Variants in DAB2 observed in about 807,000 individuals in gnomAD.
DAB2 encodes disabled homolog 2.
A neutral mutation model predicts 71.6 loss-of-function variants in DAB2; 28 were observed. The ratio of observed to expected loss-of-function variants is 0.39; its 90% CI spans 0.29 to 0.54. The LOEUF (loss-of-function observed/expected upper bound fraction) is 0.54, where lower values mean the gene tolerates loss of function less well. DAB2 is among the 20% of genes least tolerant of loss of function. The probability of loss-of-function intolerance (pLI) is 0.68; values close to 1 mark genes in which losing one functional copy is unlikely to be tolerated. For synonymous variants in DAB2, 345 were observed against 339.7 expected, an observed-to-expected ratio of 1.02 and a Z score of -0.17; for missense variants, 867 against 928.8, an observed-to-expected ratio of 0.93 and a Z score of 0.86.
At chr5:39,403,532 C>T (rs1017673700) in intron 1 of DAB2, among the ~76,000 whole-genome samples, 1 of 152,054 alleles carries the variant, frequency 6.6e-6, no homozygotes, top group African/African-American at 2.4e-5. Context: ...TACATGGTCT[C>T]ATTATACATT....
In DAB2 at chr5:39,376,913, C is replaced by T; in HGVS notation, c.1874G>A (p.Arg625Lys). Residue 625 changes from arginine (R) to lysine (K), a missense_variant, in exon 12 of 15, where the codon AGA (arginine) becomes AAA (lysine). This residue lies in a region of DAB2 where 740 missense variants were observed against 734.3 expected (regional missense o/e 1.01). Transcript: ENST00000320816. ...GGAGATGTCCTTGGGAGGGCCAGCT[C>T]TGGGAGGTGGCTGAGGAGGAGTGAC... ...LLVTPPQPPP[R>K]AGPPKDISSD... 6.2e-7 allele frequency: 1 copy of T among 1,614,066 alleles called. No individual in the cohort carries two copies. The highest frequency in any genetic ancestry group is 8.5e-7 in the Non-Finnish European group (1 of 1,179,988).
chr5:39,424,916 T>A lies in DAB2; in HGVS notation c.-214A>T, dbSNP rs1756072833. On this transcript the variant is annotated 5_prime_UTR_variant, in exon 1 of 15. Transcript: ENST00000320816. ...CTTAAATAGCCGCCGGCCGGGAGCTTCGGAGCCGCGCGGCCACTCCCGGCG... is the reference window on the plus strand; with the variant it reads ...CTTAAATAGCCGCCGGCCGGGAGCTACGGAGCCGCGCGGCCACTCCCGGCG... The A allele has an allele frequency of 6.6e-6, 1 of 152,362 alleles. No homozygotes were observed. The highest frequency in any genetic ancestry group is 1.5e-5 in the Non-Finnish European group (1 of 68,074). 9.4% of individuals were successfully genotyped at this position (152,362 alleles called of 1,614,324 possible). A position where few individuals can be genotyped will look rare whatever the true frequency, so the allele number is the denominator to read the frequency against.
chr5:39,420,112 C>A (rs772210787), intron 1 of DAB2, among the ~76,000 whole-genome samples: 1 of 152,192 alleles, frequency 6.6e-6, no homozygotes, highest in Non-Finnish European at 1.5e-5. Flanking sequence ...GATGTTGATG[C>A]TGCTGGTTTG....
Position 39,376,073 on chromosome 5 carries a change from A to T in DAB2, c.2171T>A (p.Leu724Gln), listed in dbSNP as rs1279803057. 5 of 1,613,972 alleles carry T rather than the reference A, an allele frequency of 3.1e-6. No homozygotes were observed. In the South Asian group the frequency reaches 5.5e-5, roughly 18 times the overall value. Residue 724 changes from leucine to glutamine, a missense_variant, in exon 13 of 15, where the codon CTG becomes CAG. Physicochemically the swap from Leu to Gln is moderately radical, Grantham distance 113 (BLOSUM62 -2). Around this residue, in one of 2 missense-constraint regions of DAB2, gnomAD observed 740 missense variants for 734.3 expected, o/e 1.01. Coordinates refer to ENST00000320816, the MANE Select transcript of DAB2 (RefSeq NM_001343.4). ...ATTGTCAGTAGATTTGGTAACTGGC[A>T]GGGAAACTTGTCTGGGAGCTGGCTT... ...PPKPAPRQVS[L>Q]PVTKSTDNAF...
chr5:39,383,051 G>C lies in DAB2; in HGVS notation c.908C>G (p.Pro303Arg). ...DPFRDDPFTQ[P>R]DQSTPSSFDS... ...AAACGAAGAAGGTGTCGATTGGTCT[G>C]GCTGTGTGAAAGGATCGTCACGGAA... is the stretch of plus-strand genomic sequence containing the variant. The change falls in exon 10 of 15, where the codon CCA (proline) becomes CGA (arginine). Residue 303 changes from proline to arginine, a missense_variant. Physicochemically the swap from Pro to Arg is moderately radical, Grantham distance 103. This residue lies in a region of DAB2 where 740 missense variants were observed against 734.3 expected (regional missense o/e 1.01). Coordinates refer to ENST00000320816, the MANE Select transcript of DAB2 (RefSeq NM_001343.4). The C allele has an allele frequency of 6.2e-7, 1 of 1,614,158 alleles. No homozygotes were observed. Among genetic ancestry groups the C allele is most frequent in the Non-Finnish European group, 8.5e-7 (1 of 1,180,024 alleles).
At chr5:39,378,403 T>C (rs1176318622) in intron 11 of DAB2, among the ~76,000 whole-genome samples, 3 of 152,238 alleles carry the variant, frequency 2.0e-5, no homozygotes, top group Non-Finnish European at 4.4e-5. Flanking sequence ...TGCTTTGAGC[T>C]TTGGTGCATG....
rs149865370 is a variant in DAB2, at chr5:39,382,869, A to G, written c.1090T>C (p.Trp364Arg). ...TGGGTTTGCGAACTTGAAAAGGGCC[A>G]TGGGCCTGCCTGAGCTTCCTGTTTG... ...TGKQEAQAGP[W>R]PFSSSQTQPA... is the part of the protein sequence containing the mutation. The change falls in exon 10 of 15, where the codon TGG becomes CGG. Residue 364 changes from tryptophan (W) to arginine (R), a missense_variant. Transcript: ENST00000320816. 308 of 1,614,136 alleles carry G rather than the reference A, an allele frequency of 1.9e-4. 1 individual carries two copies. The East Asian group carries it at 6.7e-3, about 35-fold the overall frequency.
At chr5:39,386,242 T>C (rs3822460) in intron 9 of DAB2, among the ~76,000 whole-genome samples, 9,159 of 152,280 alleles carry the variant, frequency 0.06, 763 homozygotes, top group East Asian at 0.2. Flanking sequence ...GGATACCACA[T>C]AGTTTGCAAC....
In DAB2 at chr5:39,422,941, G is replaced by GT. The variant is rs1756023156; in HGVS notation, c.-102+1862dup. 6.6e-6 allele frequency among the ~76,000 whole-genome samples: 1 copy of GT among 152,176 alleles called. No homozygotes were observed. The highest frequency in any genetic ancestry group is 1.5e-5 in the Non-Finnish European group (1 of 68,032). Reference sequence around the variant, plus strand: ...GCCCTTCACAAATTAGACAAGGTTTGTAACAAGTGCTTTCTTCCCTCACTT... The same window carrying GT: ...GCCCTTCACAAATTAGACAAGGTTTGTTAACAAGTGCTTTCTTCCCTCACTT... On this transcript the variant is annotated intron_variant, in intron 1 of 14. Transcript: ENST00000320816. This position sits in a 1 kb window ranked among gnomAD's most constrained non-coding sequence, Gnocchi z 4.1.
rs117883916 is a variant in DAB2, at chr5:39,423,404, A to G, written c.-102+1400T>C. Among the ~76,000 whole-genome samples, 4 of 152,416 alleles carry G rather than the reference A, an allele frequency of 2.6e-5. No individual in the cohort carries two copies. In the East Asian group the frequency reaches 5.8e-4, roughly 22 times the overall value. ...GTCACTGAGGGCCATCTCCCTTCCA[A>G]GAGGGGAGACACAGAACCTGGAGTG... On this transcript the variant is annotated intron_variant, in intron 1 of 14. Coordinates refer to ENST00000320816, the MANE Select transcript of DAB2 (RefSeq NM_001343.4).
At chr5:39,423,815 A>T (rs1214302604) in intron 1 of DAB2, 1 of 151,998 alleles carries the variant, frequency 6.6e-6, no homozygotes, top group African/African-American at 2.4e-5. Flanking sequence ...CCCCTCCATA[A>T]TTTTTAAGTC....
intron 9 of DAB2, chr5:39,387,562 G>C (rs1391532102): frequency 6.6e-6 from 1 of 152,110 alleles, no homozygotes; most frequent in Non-Finnish European, 1.5e-5. Flanking sequence ...TCAGGAAACT[G>C]TTACATAAAT....
chr5:39,378,289 C>G (rs1041638329), intron 11 of DAB2, among the ~76,000 whole-genome samples: 1 of 152,198 alleles, frequency 6.6e-6, no homozygotes, highest in Non-Finnish European at 1.5e-5. Context: ...TTTCCTGCCT[C>G]TTTCCAAGTG....
At chr5:39,389,016 C>A (rs937352190) in intron 7 of DAB2, 81 bp downstream of exon 7, 7 of 1,404,258 alleles carry the variant, frequency 5.0e-6, no homozygotes, top group East Asian at 4.6e-5. Flanking sequence ...AGCGAGGTGG[C>A]GAGAGTGGTT....
intron 11 of DAB2, among the ~76,000 whole-genome samples, chr5:39,379,852 T>C (rs1333779410): frequency 1.3e-5 from 2 of 151,906 alleles, no homozygotes; most frequent in Non-Finnish European, 2.9e-5. Context: ...TCAGTTTGAG[T>C]CCCATGTCCA....
intron 1 of DAB2, among the ~76,000 whole-genome samples, chr5:39,407,844 A>C (rs1755641682): frequency 6.6e-6 from 1 of 152,262 alleles, no homozygotes; most frequent in Non-Finnish European, 1.5e-5. Context: ...TATAAACATT[A>C]AGCTATAAAT....
intron 9 of DAB2, among the ~76,000 whole-genome samples, chr5:39,384,585 T>A (rs1384325972): frequency 6.6e-6 from 1 of 152,164 alleles, no homozygotes; most frequent in Non-Finnish European, 1.5e-5. Context: ...ACTAATTCTA[T>A]CCCCTCTCTA....
chr5:39,404,950 A>G (rs974964704), intron 1 of DAB2, among the ~76,000 whole-genome samples: 1 of 152,220 alleles, frequency 6.6e-6, no homozygotes, highest in Non-Finnish European at 1.5e-5. Context: ...AGAAGTATTA[A>G]GGTTATGATC....
At chr5:39,420,405 T>C (rs1755952485) in intron 1 of DAB2, among the ~76,000 whole-genome samples, 1 of 152,212 alleles carries the variant, frequency 6.6e-6, no homozygotes, top group Admixed American at 6.5e-5. Context: ...TCCAGCATTC[T>C]AGGATTGTTA....
Sources: allele counts gnomAD v4.1 joint callset (sites outside exome capture counted in the v4.1 genomes callset), GRCh38; gene constraint gnomAD v4.1.1; regional missense constraint gnomAD v4.1.1; non-coding constraint Gnocchi (gnomAD v3.1); transcripts MANE v1.5; gene names NCBI Gene and HGNC (gene_info 2026-07-23, HGNC 2026-07-21).